The following AUTS2 variants were observed in gnomAD, a reference collection of about 807,000 sequenced individuals.
The protein encoded by AUTS2 is autism susceptibility gene 2 protein.
A neutral mutation model predicts 112.4 loss-of-function variants in AUTS2; 17 were observed. The observed-to-expected ratio is 0.15, with a 90% CI of 0.10 to 0.23. AUTS2 has a LOEUF of 0.23. AUTS2 is among the 10% of genes least tolerant of loss of function. The pLI, the probability that AUTS2 is intolerant of heterozygous loss-of-function variation, is 1.00. For synonymous variants in AUTS2, 751 were observed against 702.7 expected (o/e 1.07, Z -1.09); for missense variants, 1,510 against 1,701.6 (o/e 0.89, Z 1.98).
At chr7:69,923,362 A>C (rs542835422) in intron 2 of AUTS2, among the ~76,000 whole-genome samples, 11 of 152,158 alleles carry the variant, frequency 7.2e-5, no homozygotes, top group Non-Finnish European at 1.5e-4. Context: ...TTATGCCTAT[A>C]CTATACTGTC....
chr7:69,912,230 G>A (rs1373113722), intron 2 of AUTS2, among the ~76,000 whole-genome samples: 1 of 152,184 alleles, frequency 6.6e-6, no homozygotes, highest in Non-Finnish European at 1.5e-5. Context: ...CCAGGTATGG[G>A]GAGAGGCCAG....
chr7:69,684,755 A>C (rs569664045), intron 1 of AUTS2, among the ~76,000 whole-genome samples: 29 of 152,230 alleles, frequency 1.9e-4, no homozygotes, highest in Non-Finnish European at 3.5e-4. Context: ...AGGACATGAG[A>C]GTCTTAGAGA....
chr7:70,592,143 CATCGATATATA>C (rs1362703949), intron 5 of AUTS2, among the ~76,000 whole-genome samples: 1 of 151,886 alleles, frequency 6.6e-6, no homozygotes, highest in Non-Finnish European at 1.5e-5. Context: ...TCATATTTGC[CATCGATATATA>C]TTTTACATAT....
intron 6 of AUTS2, among the ~76,000 whole-genome samples, chr7:70,737,842 G>A (rs987493622): frequency 9.2e-5 from 14 of 152,252 alleles, no homozygotes; most frequent in African/African-American, 2.9e-4. Flanking sequence ...ACACATCATT[G>A]CCCATTTTAT....
At chr7:70,475,915 G>T (rs150297374) in intron 5 of AUTS2, among the ~76,000 whole-genome samples, 1 of 152,282 alleles carries the variant, frequency 6.6e-6, no homozygotes, top group Non-Finnish European at 1.5e-5. Flanking sequence ...TGTAGTCCCA[G>T]CTACTCCAGA....
intron 2 of AUTS2, among the ~76,000 whole-genome samples, chr7:70,060,550 C>T (rs999118270): frequency 5.9e-5 from 9 of 152,156 alleles, no homozygotes; most frequent in African/African-American, 2.2e-4. Flanking sequence ...AGAAATTGTA[C>T]TAACAGTTAC....
At chr7:70,163,191 C>T (rs2129577695) in intron 4 of AUTS2, among the ~76,000 whole-genome samples, 1 of 151,854 alleles carries the variant, frequency 6.6e-6, no homozygotes. Flanking sequence ...AATGGGACAG[C>T]ATAGTTCATA....
intron 1 of AUTS2, among the ~76,000 whole-genome samples, chr7:69,604,035 C>CT (rs1456596057): frequency 1.3e-5 from 2 of 152,028 alleles, no homozygotes; most frequent in Non-Finnish European, 2.9e-5. Context: ...TACAGCTGAC[C>CT]AAGGGAAGCT....
At chr7:70,720,691 C>T (rs1192345838) in intron 6 of AUTS2, among the ~76,000 whole-genome samples, 1 of 152,180 alleles carries the variant, frequency 6.6e-6, no homozygotes, top group Non-Finnish European at 1.5e-5. Context: ...AGTTTGTTAA[C>T]CATCTTCAGA....
chr7:69,874,891 G>A (rs1221198902), intron 1 of AUTS2, among the ~76,000 whole-genome samples: 2 of 151,434 alleles, frequency 1.3e-5, no homozygotes, highest in Admixed American at 6.6e-5. Context: ...GGCTGGTCGC[G>A]AACTCTTGAC....
intron 2 of AUTS2, among the ~76,000 whole-genome samples, chr7:69,932,032 CCT>C (rs778861122): frequency 5.3e-5 from 8 of 152,288 alleles, no homozygotes; most frequent in Admixed American, 1.3e-4. Flanking sequence ...CAGAATCTCC[CCT>C]GAGTCTGGAG....
chr7:70,509,751 A>G (rs1322913343), intron 5 of AUTS2, among the ~76,000 whole-genome samples: 1 of 152,104 alleles, frequency 6.6e-6, no homozygotes, highest in Non-Finnish European at 1.5e-5. Context: ...TACTCTCATC[A>G]AGGACTCAGA....
intron 4 of AUTS2, among the ~76,000 whole-genome samples, chr7:70,159,239 C>T (rs546838494): frequency 6.6e-6 from 1 of 152,168 alleles, no homozygotes; most frequent in South Asian, 2.1e-4. Flanking sequence ...TGCTGAATCC[C>T]TCACACGTGT....
chr7:70,131,288 G>GA (rs149384595), intron 3 of AUTS2, among the ~76,000 whole-genome samples: 12 of 149,126 alleles, frequency 8.0e-5, no homozygotes, highest in South Asian at 2.1e-4. Flanking sequence ...CTATCTCTAG[G>GA]AAAAAAAAAA....
chr7:69,806,000 C>G (rs1790284824), intron 1 of AUTS2, among the ~76,000 whole-genome samples: 1 of 151,744 alleles, frequency 6.6e-6, no homozygotes, highest in Admixed American at 6.6e-5. Context: ...CCTAGGCTCA[C>G]ACGATTCCCC....
intron 5 of AUTS2, among the ~76,000 whole-genome samples, chr7:70,598,197 C>G (rs954882417): frequency 6.6e-6 from 1 of 152,126 alleles, no homozygotes; most frequent in Non-Finnish European, 1.5e-5. Flanking sequence ...AAGGGCTTAC[C>G]TACCCTGGTT....
intron 1 of AUTS2, among the ~76,000 whole-genome samples, chr7:69,684,202 C>G (rs994658864): frequency 6.6e-6 from 1 of 152,116 alleles, no homozygotes; most frequent in Admixed American, 6.5e-5. Context: ...AAAGGAGCAA[C>G]TGGAGAAAGG....
chr7:70,573,225 A>C (rs1585318450), intron 5 of AUTS2, among the ~76,000 whole-genome samples: 2 of 152,346 alleles, frequency 1.3e-5, no homozygotes, highest in East Asian at 3.9e-4. Flanking sequence ...AAATTAAACA[A>C]GTATCTCATT....
At chr7:70,331,168 C>T (rs1295474206) in intron 4 of AUTS2, among the ~76,000 whole-genome samples, 1 of 152,046 alleles carries the variant, frequency 6.6e-6, no homozygotes, top group Non-Finnish European at 1.5e-5. Flanking sequence ...GCTGTGAATC[C>T]GTCTGGTCCT....
Sources: gnomAD v4.1 joint callset for allele counts (sites outside exome capture counted in the v4.1 genomes callset) on GRCh38, gnomAD v4.1.1 for gene constraint, MANE v1.5 for transcripts, NCBI Gene and HGNC (gene_info 2026-07-23, HGNC 2026-07-21) for gene names.